MEIS2: variants seen among roughly 807,000 people sequenced by gnomAD.
MEIS2 encodes the protein homeobox protein Meis2.
A neutral mutation model predicts 58.6 loss-of-function variants in MEIS2; 9 were observed. That is an observed-to-expected ratio of 0.15 (90% CI 0.09 to 0.27). The LOEUF (loss-of-function observed/expected upper bound fraction) is 0.27. Among genes scored for constraint, MEIS2 ranks in the 10% least tolerant of loss-of-function variants. The pLI is 1.00. For synonymous variants in MEIS2, 221 were observed against 228.4 expected, an observed-to-expected ratio of 0.97 and a Z score of 0.29; for missense variants, 427 against 635.0, an observed-to-expected ratio of 0.67 and a Z score of 3.52.
intron 7 of MEIS2, among the ~76,000 whole-genome samples, chr15:37,080,689 C>T (rs1255622407): frequency 2.6e-5 from 4 of 152,122 alleles, no homozygotes; most frequent in Non-Finnish European, 5.9e-5. Flanking sequence ...CTAATTCCAT[C>T]CTTGAAAAAC....
chr15:37,016,466 G>T (rs1027983840), intron 8 of MEIS2, among the ~76,000 whole-genome samples: 2 of 151,926 alleles, frequency 1.3e-5, no homozygotes, highest in African/African-American at 4.8e-5. Context: ...CAACATGGCA[G>T]ACGGTGATTA....
Position 36,890,262 on chromosome 15 carries a change from G to C in MEIS2, c.*1911C>G, listed in dbSNP as rs566223729. 113 of 152,256 alleles carry C rather than the reference G, an allele frequency of 7.4e-4. No homozygotes were observed. The highest frequency in any genetic ancestry group is 2.7e-3 in the African/African-American group (111 of 41,568). 9.4% of individuals were successfully genotyped at this position (152,256 alleles called of 1,614,324 possible). A position where few individuals can be genotyped will look rare whatever the true frequency, so the allele number is the denominator to read the frequency against. On this transcript the variant is annotated 3_prime_UTR_variant, in exon 12 of 12. Coordinates refer to ENST00000561208, the MANE Select transcript of MEIS2 (RefSeq NM_170675.5). ...ATTTATTTGAAAATTGAGGGGACAT[G>C]CCTCACCCTTTTTGCACACTTTAGC...
At position 36,914,907 on chromosome 15, in the gene MEIS2, G is replaced by T. The variant is rs11073213; in HGVS notation, c.978-18221C>A. Reference sequence around the variant, plus strand: ...AAAGAAAGACGTGTGAAGTCAACACGTGTTGTTATAAACAACGTGAGCCAG... The same window carrying T: ...AAAGAAAGACGTGTGAAGTCAACACTTGTTGTTATAAACAACGTGAGCCAG... On this transcript the variant is annotated intron_variant, in intron 9 of 11. Transcript: ENST00000561208. Among the ~76,000 whole-genome samples the T allele has an allele frequency of 3.1e-4, 47 of 152,014 alleles. 1 individual carries two copies. Among genetic ancestry groups the T allele is most frequent in the Admixed American group, 8.5e-4 (13 of 15,292 alleles).
chr15:36,915,198 GAAAA>G (rs5811947), intron 9 of MEIS2, among the ~76,000 whole-genome samples: 1 of 145,934 alleles, frequency 6.9e-6, no homozygotes. Context: ...CAACTTCTGG[GAAAA>G]AAAAAAAAAA....
chr15:37,097,343 A>C (rs1421966117), intron 2 of MEIS2: 1 of 152,202 alleles, frequency 6.6e-6, no homozygotes, highest in Non-Finnish European at 1.5e-5. Flanking sequence ...CTCTCAGAAT[A>C]TAAAATAATT....
chr15:37,099,705 ATCT>A lies in MEIS2; in HGVS notation c.-242_-240del. 1 of 441,250 alleles carries A rather than the reference ATCT, an allele frequency of 2.3e-6. No individual in the cohort carries two copies. Among genetic ancestry groups the A allele is most frequent in the Non-Finnish European group, 3.9e-6 (1 of 253,246 alleles). The allele number at this position is 441,250 out of a possible 1,614,324, so 27.3% of individuals were successfully genotyped here. A position where few individuals can be genotyped will look rare whatever the true frequency, so the allele number is the denominator to read the frequency against. ...TTTCCTCTTCTTCCTCCTCCTCCTGATCTTCCTCCTCCTCCTCCACCTCCTCCT... is the reference window on the plus strand; with the variant it reads ...TTTCCTCTTCTTCCTCCTCCTCCTGATCCTCCTCCTCCTCCACCTCCTCCT... On this transcript the variant is annotated 5_prime_UTR_variant, in exon 1 of 12. Coordinates refer to ENST00000561208, the MANE Select transcript of MEIS2 (RefSeq NM_170675.5).
At chr15:36,894,207 A>G (rs1392100223) in intron 11 of MEIS2, among the ~76,000 whole-genome samples, 3 of 152,210 alleles carry the variant, frequency 2.0e-5, no homozygotes, top group Non-Finnish European at 4.4e-5. Flanking sequence ...TGAAGAATCA[A>G]TGGTGTCACT....
At chr15:36,970,962 C>T (rs2059533026) in intron 8 of MEIS2, among the ~76,000 whole-genome samples, 1 of 151,986 alleles carries the variant, frequency 6.6e-6, no homozygotes, top group African/African-American at 2.4e-5. Context: ...TTTAAAGCAA[C>T]ATCTCATCAA....
At chr15:36,956,943 GA>G (rs2059001701) in intron 8 of MEIS2, among the ~76,000 whole-genome samples, 1 of 136,174 alleles carries the variant, frequency 7.3e-6, no homozygotes. Flanking sequence ...GGAGGAAGAA[GA>G]AAAAGGAAAA....
intron 8 of MEIS2, among the ~76,000 whole-genome samples, chr15:36,982,680 G>T (rs1026056656): frequency 6.6e-6 from 1 of 152,116 alleles, no homozygotes; most frequent in Non-Finnish European, 1.5e-5. Context: ...AAATGAGATT[G>T]CTGTATCACA....
chr15:37,019,242 C>T (rs922725770), intron 8 of MEIS2, among the ~76,000 whole-genome samples: 1 of 152,178 alleles, frequency 6.6e-6, no homozygotes, highest in Non-Finnish European at 1.5e-5. Flanking sequence ...TCCTGTGAAT[C>T]AAACCAAAGT....
intron 8 of MEIS2, among the ~76,000 whole-genome samples, chr15:36,977,278 C>A (rs2059789845): frequency 6.6e-6 from 1 of 152,096 alleles, no homozygotes; most frequent in Non-Finnish European, 1.5e-5. Flanking sequence ...TAAAACCAGG[C>A]TTCTCATAGC....
At chr15:37,065,107 T>C (rs953782541) in intron 7 of MEIS2, among the ~76,000 whole-genome samples, 9 of 152,196 alleles carry the variant, frequency 5.9e-5, no homozygotes, top group African/African-American at 2.2e-4. Context: ...TAGAAGTACT[T>C]ACATAGTCTC....
intron 8 of MEIS2, among the ~76,000 whole-genome samples, chr15:36,967,738 T>A (rs562634565): frequency 2.0e-5 from 3 of 152,344 alleles, no homozygotes; most frequent in Admixed American, 6.5e-5. Flanking sequence ...CCTCTATTAT[T>A]GCCACCAAAA....
chr15:36,935,794 T>C (rs1448300256), intron 9 of MEIS2, among the ~76,000 whole-genome samples: 2 of 150,588 alleles, frequency 1.3e-5, no homozygotes, highest in Non-Finnish European at 3.0e-5. Flanking sequence ...GTATCTCAGT[T>C]TTTTTTTTTA....
At chr15:37,082,412 G>T (rs1892355185) in intron 7 of MEIS2, among the ~76,000 whole-genome samples, 1 of 151,976 alleles carries the variant, frequency 6.6e-6, no homozygotes, top group African/African-American at 2.4e-5. Flanking sequence ...AATTTGGGGT[G>T]GTGGGAAGGA....
chr15:36,971,519 T>C (rs2059557316), intron 8 of MEIS2, among the ~76,000 whole-genome samples: 1 of 80,004 alleles, frequency 1.2e-5, no homozygotes, highest in Non-Finnish European at 2.4e-5. Context: ...CCTGTATTAC[T>C]TGTATGCCTT....
chr15:37,093,485 A>G, intron 6 of MEIS2, 96 bp downstream of exon 6: 1 of 1,429,922 alleles, frequency 7.0e-7, no homozygotes, highest in African/African-American at 1.4e-5. Flanking sequence ...GTCATTTAAA[A>G]AGAAAACTAA....
intron 3 of MEIS2, 116 bp downstream of exon 3, chr15:37,096,173 G>T: frequency 8.5e-7 from 1 of 1,178,608 alleles, no homozygotes; most frequent in Non-Finnish European, 1.2e-6. Flanking sequence ...AGAGCGGACT[G>T]GGCCAGAGGA....
Sources: gnomAD v4.1 joint callset for allele counts (sites outside exome capture counted in the v4.1 genomes callset) on GRCh38, gnomAD v4.1.1 for gene constraint, MANE v1.5 for transcripts, NCBI Gene and HGNC (gene_info 2026-07-23, HGNC 2026-07-21) for gene names.